The following AFF1 variants were observed in gnomAD, a reference collection of about 807,000 sequenced individuals.
The protein encoded by AFF1 is ALF transcription elongation factor 1, also known as AF4/FMR2 family member 1.
AFF1 carries 48 observed loss-of-function variants against 121.7 expected under a neutral mutation model. That is an observed-to-expected ratio of 0.39 (90% CI 0.31 to 0.50). AFF1 has a LOEUF of 0.50. Among genes scored for constraint, AFF1 ranks in the 20% least tolerant of loss-of-function variants. The pLI is 0.76. For synonymous variants in AFF1, 613 were observed against 563.0 expected (o/e 1.09, Z -1.26); for missense variants, 1,523 against 1,511.7 (o/e 1.01, Z -0.12).
At chr4:86,970,607 T>C (rs574041181) in intron 2 of AFF1, among the ~76,000 whole-genome samples, 8 of 152,274 alleles carry the variant, frequency 5.3e-5, no homozygotes, top group African/African-American at 1.7e-4. Flanking sequence ...ACATGTATTA[T>C]AGATGAAAAA....
chr4:87,002,425 G>GTTTTTTTTT (rs3035506), intron 2 of AFF1, among the ~76,000 whole-genome samples: 2 of 68,180 alleles, frequency 2.9e-5, no homozygotes, highest in African/African-American at 5.1e-5. Flanking sequence ...GGGCAATGAA[G>GTTTTTTTTT]TTTTTTTTTT....
At chr4:87,071,022 C>T (rs1041609528) in intron 4 of AFF1, among the ~76,000 whole-genome samples, 9 of 152,162 alleles carry the variant, frequency 5.9e-5, no homozygotes, top group African/African-American at 2.2e-4. Flanking sequence ...GAAGAACCCC[C>T]AATTTTTTCT....
rs952855330 is a variant in AFF1, at chr4:87,136,846, A to G, written c.*1145A>G. ...TTCAGAGTCCTTGATTGTCTAGGGG[A>G]AGTTAACTCCCTGAGAGGATGTAGA... is the stretch of plus-strand genomic sequence containing the variant. On this transcript the variant is annotated 3_prime_UTR_variant, in exon 21 of 21. Coordinates refer to ENST00000395146, the MANE Select transcript of AFF1 (RefSeq NM_001166693.3). The G allele has an allele frequency of 6.8e-5, 15 of 220,818 alleles. No homozygotes were observed. The highest frequency in any genetic ancestry group is 1.2e-4 in the Non-Finnish European group (13 of 110,384). 13.7% of individuals were successfully genotyped at this position (220,818 alleles called of 1,614,324 possible).
intron 8 of AFF1, among the ~76,000 whole-genome samples, chr4:87,097,133 G>GACCATAAAAGGCCCTGACC (rs1724958877): frequency 6.6e-6 from 1 of 152,186 alleles, no homozygotes; most frequent in African/African-American, 2.4e-5. Context: ...AAGCCCTGTA[G>GACCATAAAAGGCCCTGACC]ACCATAAAAG....
In AFF1 at chr4:87,046,793, C is replaced by T; in HGVS notation, c.258C>T (p.Arg86=). The change falls in exon 4 of 21, where the codon CGC becomes CGT. Residue 86 remains arginine (R), a synonymous_variant. Transcript: ENST00000395146. ...EFLSTKSHTH[R]LDASENRLGK... Reference sequence around the variant, plus strand: ...TTAGTACTAAGTCTCACACTCATCGCCTGGATGCTTCTGAAAATAGGTTGG... The same window carrying T: ...TTAGTACTAAGTCTCACACTCATCGTCTGGATGCTTCTGAAAATAGGTTGG... 3 of 1,614,168 alleles carry T rather than the reference C, an allele frequency of 1.9e-6. No individual in the cohort carries two copies. The highest frequency in any genetic ancestry group is 1.6e-4 in the Middle Eastern group (1 of 6,062).
chr4:87,096,623 A>T (rs1724896258), intron 8 of AFF1, among the ~76,000 whole-genome samples: 1 of 151,868 alleles, frequency 6.6e-6, no homozygotes, highest in Non-Finnish European at 1.5e-5. Context: ...CAAATAGCAC[A>T]CTGCAGCCTC....
chr4:87,034,102 G>T (rs368809159), intron 2 of AFF1, among the ~76,000 whole-genome samples: 4 of 152,180 alleles, frequency 2.6e-5, no homozygotes, highest in Non-Finnish European at 5.9e-5. Flanking sequence ...CTCTGGTGGC[G>T]GGGACTGGCT....
intron 10 of AFF1, 124 bp downstream of exon 10, chr4:87,105,969 A>G (rs1278844291): frequency 8.2e-7 from 1 of 1,217,676 alleles, no homozygotes; most frequent in Non-Finnish European, 1.2e-6. Context: ...GGATCACAGT[A>G]AAAGGAAAGT....
intron 2 of AFF1, among the ~76,000 whole-genome samples, chr4:87,040,871 CTTTTTTT>C (rs780348229): frequency 1.5e-5 from 1 of 67,110 alleles, no homozygotes. Flanking sequence ...CCATGCCCTG[CTTTTTTT>C]TTTTTTTTTT....
chr4:87,043,783 A>G (rs1450665490), intron 2 of AFF1, among the ~76,000 whole-genome samples: 1 of 152,172 alleles, frequency 6.6e-6, no homozygotes, highest in South Asian at 2.1e-4. Flanking sequence ...AAAGTTTTTG[A>G]TACACACAGG....
chr4:86,941,935 C>T (rs1205509125), intron 1 of AFF1, among the ~76,000 whole-genome samples: 1 of 151,348 alleles, frequency 6.6e-6, no homozygotes, highest in Non-Finnish European at 1.5e-5. Context: ...AACACCTTTC[C>T]AATCCTCCGT....
At chr4:87,081,197 G>C (rs374345642) in intron 4 of AFF1, among the ~76,000 whole-genome samples, 8 of 114,232 alleles carry the variant, frequency 7.0e-5, no homozygotes, top group African/African-American at 2.8e-4. Context: ...AGTCTCACTC[G>C]GTCTCCCAGG....
rs116435485 is a variant in AFF1, at chr4:87,138,168, C to T, written c.*2467C>T. ...TTGCATTGTACCTAAAGGAGAGTAA[C>T]TAATGGTAACCTTTTTAATAGAGTA... is the stretch of plus-strand genomic sequence containing the variant. On this transcript the variant is annotated 3_prime_UTR_variant, in exon 21 of 21. Coordinates refer to ENST00000395146, the MANE Select transcript of AFF1 (RefSeq NM_001166693.3). 2.8e-3 allele frequency: 648 copies of T among 232,072 alleles called. 6 individuals are homozygous for T. Among genetic ancestry groups the T allele is most frequent in the African/African-American group, 0.013 (606 of 45,348 alleles). 14.4% of individuals were successfully genotyped at this position (232,072 alleles called of 1,614,324 possible). A position where few individuals can be genotyped will look rare whatever the true frequency, so the allele number is the denominator to read the frequency against.
chr4:87,114,832 A>G lies in AFF1; in HGVS notation c.1999A>G (p.Lys667Glu), dbSNP rs765230692. 6.2e-7 allele frequency: 1 copy of G among 1,613,718 alleles called. No homozygotes were observed. The highest frequency in any genetic ancestry group is 1.1e-5 in the South Asian group (1 of 91,080). ...RPRAAASNEP[K>E]PAVPPSSEKK... is the part of the protein sequence containing the mutation. ...CCGGGCCGCAGCAAGCAACGAACCC[A>G]AGCCAGCAGTGCCCCCCTCCAGTGA... The change falls in exon 12 of 21, where the codon AAG becomes GAG. Residue 667 changes from lysine (K) to glutamate (E), a missense_variant. Transcript: ENST00000395146.
intron 2 of AFF1, among the ~76,000 whole-genome samples, chr4:87,042,544 C>G (rs547599769): frequency 1.3e-5 from 2 of 152,286 alleles, no homozygotes; most frequent in South Asian, 4.1e-4. Flanking sequence ...CTCATCCTAC[C>G]AGTGATATCC....
At chr4:87,046,620 T>C in intron 3 of AFF1, 75 bp from the exon 4 acceptor site, 1 of 1,438,592 alleles carries the variant, frequency 7.0e-7, no homozygotes, top group South Asian at 1.4e-5. Context: ...TCCTTAATAG[T>C]ATTATATAAC....
intron 2 of AFF1, among the ~76,000 whole-genome samples, chr4:86,971,336 G>A (rs1282787804): frequency 6.6e-6 from 1 of 152,198 alleles, no homozygotes; most frequent in Non-Finnish European, 1.5e-5. Flanking sequence ...TCTCTGATCA[G>A]TTATTGTGAC....
intron 5 of AFF1, among the ~76,000 whole-genome samples, chr4:87,088,153 G>T (rs1231786994): frequency 1.0e-5 from 1 of 98,538 alleles, no homozygotes; most frequent in African/African-American, 4.5e-5. Context: ...GACATGGCTG[G>T]TAAGGATTGG....
At position 87,114,849 on chromosome 4, in the gene AFF1, C is replaced by T. The variant is rs139765195; in HGVS notation, c.2016C>T (p.Pro672=). 5.0e-5 allele frequency: 81 copies of T among 1,613,866 alleles called. No homozygotes were observed. The highest frequency in any genetic ancestry group is 6.2e-5 in the Non-Finnish European group (73 of 1,179,938). Residue 672 remains proline (P), a synonymous_variant, in exon 12 of 21, where the codon CCC becomes CCT. Coordinates refer to ENST00000395146, the MANE Select transcript of AFF1 (RefSeq NM_001166693.3). The stretch of plus-strand genomic sequence containing the variant: ...ACGAACCCAAGCCAGCAGTGCCCCC[C>T]TCCAGTGAGAAGAAGAAGCACAAGA... ...ASNEPKPAVP[P]SSEKKKHKSS... is the part of the protein sequence containing the mutation.
Sources: gnomAD v4.1 joint callset for allele counts (sites outside exome capture counted in the v4.1 genomes callset) on GRCh38, gnomAD v4.1.1 for gene constraint, MANE v1.5 for transcripts, NCBI Gene and HGNC (gene_info 2026-07-23, HGNC 2026-07-21) for gene names.